PDE1C: variants seen among roughly 807,000 people sequenced by gnomAD.
The protein encoded by PDE1C is phosphodiesterase 1C.
Under a neutral mutation model 93.1 loss-of-function variants are expected in PDE1C, and 62 were observed. That is an observed-to-expected ratio of 0.67 (90% CI 0.54 to 0.82). PDE1C has a LOEUF of 0.82. Among genes scored for constraint, PDE1C ranks in the 40% least tolerant of loss-of-function variants. The pLI is 0.00. For synonymous variants in PDE1C, 325 were observed against 310.1 expected (o/e 1.05, Z -0.50); for missense variants, 742 against 884.6 (o/e 0.84, Z 2.04).
chr7:31,799,410 T>TA (rs1186259964), intron 16 of PDE1C, among the ~76,000 whole-genome samples: 2 of 151,696 alleles, frequency 1.3e-5, no homozygotes, highest in Non-Finnish European at 3.0e-5. Context: ...CACTCAAGTG[T>TA]AAAGTTGTAT....
At chr7:31,688,212 A>G in the PDE1C span, among the ~76,000 whole-genome samples, 1 of 152,208 alleles carries the variant, frequency 6.6e-6, no homozygotes, top group Admixed American at 6.5e-5. Context: ...GAGAAGAGCC[A>G]CTATCTTCCC....
intron 3 of PDE1C, among the ~76,000 whole-genome samples, chr7:32,118,050 G>A (rs118001162): frequency 1.3e-5 from 2 of 152,196 alleles, no homozygotes; most frequent in Non-Finnish European, 2.9e-5. Context: ...GAGGAAGACA[G>A]ACTTGTCTTT....
At chr7:31,692,072 C>T in the PDE1C span, among the ~76,000 whole-genome samples, 1 of 152,188 alleles carries the variant, frequency 6.6e-6, no homozygotes, top group African/African-American at 2.4e-5. Flanking sequence ...GCATGATTTT[C>T]TGTGACTCTC....
At chr7:32,379,391 G>T (rs946856010) in intron 1 of PDE1C, among the ~76,000 whole-genome samples, 1 of 152,192 alleles carries the variant, frequency 6.6e-6, no homozygotes, top group Non-Finnish European at 1.5e-5. Flanking sequence ...CAAAGAGGAA[G>T]AAATAAAAAG....
rs1038931434 is a variant in PDE1C, at chr7:32,304,969, G to A, written c.311-95430C>T. ...GTGCTTAAGTTAATCCATAATCAGG[G>A]GCAAGAGGAACAGGGTTAGAGCTCA... On this transcript the variant is annotated intron_variant, in intron 1 of 1. Coordinates refer to the PDE1C transcript ENST00000672256. Among the ~76,000 whole-genome samples, 3 of 151,944 alleles carry A rather than the reference G, an allele frequency of 2.0e-5. No individual in the cohort carries two copies. In the East Asian group the frequency reaches 5.8e-4, roughly 29 times the overall value.
intron 17 of PDE1C, among the ~76,000 whole-genome samples, chr7:31,769,496 T>G (rs1795346102): frequency 6.6e-6 from 1 of 152,242 alleles, no homozygotes; most frequent in Non-Finnish European, 1.5e-5. Flanking sequence ...ATTACCTCTT[T>G]GTTGAAATAT....
intron 16 of PDE1C, among the ~76,000 whole-genome samples, chr7:31,798,224 G>A (rs1444970215): frequency 4.0e-5 from 6 of 151,680 alleles, no homozygotes; most frequent in African/African-American, 9.7e-5. Flanking sequence ...TCAAAACTAC[G>A]CACTGGTCAC....
Position 32,214,975 on chromosome 7 carries a change from T to TTGATGATGATGATGATGA in PDE1C, c.86-5454_86-5437dup, listed in dbSNP as rs143895270. On this transcript the variant is annotated intron_variant, in intron 1 of 18. Coordinates refer to the PDE1C transcript ENST00000396193. ...AAGTGTGATCAGCTAGGGAAGTGACTTGATGATGATGATGATGATGATGAT... is the reference window on the plus strand; with the variant it reads ...AAGTGTGATCAGCTAGGGAAGTGACTTGATGATGATGATGATGATGATGATGATGATGATGATGATGAT... Among the ~76,000 whole-genome samples, 306 of 151,232 alleles carry TTGATGATGATGATGATGA rather than the reference T, an allele frequency of 2.0e-3. 2 individuals carry two copies. Among genetic ancestry groups the TTGATGATGATGATGATGA allele is most frequent in the South Asian group, 3.6e-3 (17 of 4,752 alleles).
chr7:31,919,379 G>A (rs1802331642), intron 2 of PDE1C, among the ~76,000 whole-genome samples: 1 of 152,106 alleles, frequency 6.6e-6, no homozygotes, highest in Non-Finnish European at 1.5e-5. Context: ...AAATGGGAGT[G>A]ATAATAATAA....
At chr7:32,095,558 A>G (rs906540906) in intron 3 of PDE1C, among the ~76,000 whole-genome samples, 2 of 152,214 alleles carry the variant, frequency 1.3e-5, no homozygotes, top group Non-Finnish European at 2.9e-5. Context: ...GGCCAAGGGA[A>G]TGCCAAGAGG....
chr7:31,766,189 C>T (rs1013187464), intron 17 of PDE1C, among the ~76,000 whole-genome samples: 2 of 152,078 alleles, frequency 1.3e-5, no homozygotes, highest in African/African-American at 4.8e-5. Context: ...TCGAGACCAT[C>T]CTGGCTAACA....
At chr7:31,969,950 C>T (rs1446582952) in intron 2 of PDE1C, among the ~76,000 whole-genome samples, 3 of 151,906 alleles carry the variant, frequency 2.0e-5, no homozygotes, top group African/African-American at 7.2e-5. Flanking sequence ...AATGAGAACT[C>T]ATGGACACAG....
chr7:31,661,808 C>T, the PDE1C span, among the ~76,000 whole-genome samples: 2 of 152,160 alleles, frequency 1.3e-5, no homozygotes, highest in Admixed American at 6.5e-5. Context: ...CATCTTTCTT[C>T]ATTACTTCAT....
upstream of PDE1C, among the ~76,000 whole-genome samples, chr7:32,073,302 A>G (rs1282368473): frequency 3.9e-5 from 6 of 152,214 alleles, no homozygotes; most frequent in Non-Finnish European, 7.3e-5. Flanking sequence ...TGTATTAGAA[A>G]GTCAGGAAAA....
intron 2 of PDE1C, among the ~76,000 whole-genome samples, chr7:31,955,360 G>C (rs1468204893): frequency 3.3e-5 from 5 of 152,122 alleles, no homozygotes; most frequent in Non-Finnish European, 7.3e-5. Context: ...GTTTTCCTCT[G>C]CCTTATTCTG....
In PDE1C at chr7:32,251,843, G is replaced by A. The variant is rs186888063; in HGVS notation, c.86-42304C>T. Among the ~76,000 whole-genome samples, 171 of 152,224 alleles carry A rather than the reference G, an allele frequency of 1.1e-3. 1 individual carries two copies. Among genetic ancestry groups the A allele is most frequent in the African/African-American group, 3.9e-3 (164 of 41,524 alleles). On this transcript the variant is annotated intron_variant, in intron 1 of 18. Coordinates refer to the PDE1C transcript ENST00000396193. ...CTCCTTATGATTGCTGACAAAGGTT[G>A]GCCATGGCCATCAGCCCAGGGTGTC...
intron 3 of PDE1C, among the ~76,000 whole-genome samples, chr7:32,163,012 C>G (rs1194111136): frequency 6.6e-6 from 1 of 152,184 alleles, no homozygotes; most frequent in East Asian, 1.9e-4. Context: ...AAAAACTTCT[C>G]TAGGCTTTAA....
intron 2 of PDE1C, among the ~76,000 whole-genome samples, chr7:32,047,097 A>G (rs1792708323): frequency 7.2e-6 from 1 of 138,756 alleles, no homozygotes; most frequent in Non-Finnish European, 1.6e-5. Flanking sequence ...GTGTGTTGGA[A>G]GCACCTCTAT....
At chr7:31,663,521 G>A in the PDE1C span, among the ~76,000 whole-genome samples, 1 of 152,122 alleles carries the variant, frequency 6.6e-6, no homozygotes, top group Non-Finnish European at 1.5e-5. Flanking sequence ...GGAAAATATC[G>A]GAGGATATAA....
Sources: gnomAD v4.1 joint callset for allele counts (sites outside exome capture counted in the v4.1 genomes callset) on GRCh38, gnomAD v4.1.1 for gene constraint, MANE v1.5 for transcripts, NCBI Gene and HGNC (gene_info 2026-07-23, HGNC 2026-07-21) for gene names.